Variants in PLEKHB2 observed in about 807,000 individuals in gnomAD.
The protein encoded by PLEKHB2 is pleckstrin homology domain-containing family B member 2.
In PLEKHB2, 31 loss-of-function variants were observed where a neutral mutation model predicts 36.5. The observed-to-expected ratio is 0.85, with a 90% CI of 0.64 to 1.15. The LOEUF (loss-of-function observed/expected upper bound fraction) is 1.15, where lower values mean the gene tolerates loss of function less well. Ranked by LOEUF, PLEKHB2 falls within the 50% of genes most tolerant of loss-of-function variation. The pLI is 0.00. For missense variants in PLEKHB2, 262 were observed against 295.3 expected (o/e 0.89, Z 0.83); for synonymous variants, 119 against 112.0 (o/e 1.06, Z -0.39).
At chr2:131,134,791 G>A (rs972506127) in intron 6 of PLEKHB2, among the ~76,000 whole-genome samples, 1 of 152,148 alleles carries the variant, frequency 6.6e-6, no homozygotes, top group African/African-American at 2.4e-5. Flanking sequence ...CCTTAAACCT[G>A]TGTCATATTT....
intron 6 of PLEKHB2, among the ~76,000 whole-genome samples, chr2:131,136,559 T>G (rs1291881439): frequency 6.6e-6 from 1 of 151,766 alleles, no homozygotes; most frequent in African/African-American, 2.4e-5. Flanking sequence ...TGGTGGATTA[T>G]AGTGTTTGGT....
intron 7 of PLEKHB2, among the ~76,000 whole-genome samples, chr2:131,141,937 A>G (rs1406534542): frequency 6.6e-6 from 1 of 152,248 alleles, no homozygotes; most frequent in Non-Finnish European, 1.5e-5. Flanking sequence ...TAAGATTAAT[A>G]AAGACAAGTA....
rs956609598 is a variant in PLEKHB2 at position 131,146,936 on chromosome 2, G to C, written c.*163G>C. 3.5e-5 allele frequency: 21 copies of C among 591,974 alleles called. No individual in the cohort carries two copies. The highest frequency in any genetic ancestry group is 5.3e-5 in the Non-Finnish European group (19 of 355,460). The allele number at this position is 591,974 out of a possible 1,614,324, so 36.7% of individuals were successfully genotyped here. On this transcript the variant is annotated 3_prime_UTR_variant, in exon 8 of 8. Transcript: ENST00000693505. The stretch of plus-strand genomic sequence containing the variant: ...TACTAATCCACATAAGTACCACAGA[G>C]AAGGGTTTGAACTGTGCTATTTTGT...
intron 4 of PLEKHB2, among the ~76,000 whole-genome samples, chr2:131,130,034 A>G (rs1035128791): frequency 3.3e-5 from 5 of 151,822 alleles, no homozygotes; most frequent in African/African-American, 9.7e-5. Flanking sequence ...GGATGTTAAT[A>G]GCATTCTTTT....
chr2:131,118,890 AAAAAAAAAG>A (rs1418202044), intron 1 of PLEKHB2: 1 of 149,740 alleles, frequency 6.7e-6, no homozygotes, highest in African/African-American at 2.5e-5. Flanking sequence ...AAAAAAAAAA[AAAAAAAAAG>A]CTAAAGCAGA....
In PLEKHB2 at chr2:131,132,952, ACCT is replaced by A. The variant is rs747636164; in HGVS notation, c.387_389del (p.Pro131del). On this transcript the variant is annotated inframe_deletion, in exon 6 of 8. Coordinates refer to ENST00000693505, the MANE Select transcript of PLEKHB2 (RefSeq NM_001100623.2). ...CCGATGAGACATCCGTGGTTTCCTCACCTCCACCATACACGGCCTATGCTGCAC... is the reference window on the plus strand; with the variant it reads ...CCGATGAGACATCCGTGGTTTCCTCACCACCATACACGGCCTATGCTGCAC... 5 of 1,613,756 alleles carry A rather than the reference ACCT, an allele frequency of 3.1e-6. No individual in the cohort carries two copies. In the Admixed American group the frequency reaches 5.0e-5, roughly 16 times the overall value.
rs1244743060 is a variant in PLEKHB2, at chr2:131,126,413, G to T, written c.191-271G>T. Among the ~76,000 whole-genome samples the T allele has an allele frequency of 2.0e-5, 3 of 152,126 alleles. No individual in the cohort carries two copies. In the East Asian group the frequency reaches 5.8e-4, roughly 29 times the overall value. ...TGTGGTGGCAGGTGCCTGTAATCTG[G>T]CTACTCAGGAGGCTGAGGTAGAGAA... On this transcript the variant is annotated intron_variant, in intron 3 of 7. Transcript: ENST00000693505.
At chr2:131,130,363 T>C (rs1697555747) in intron 4 of PLEKHB2, among the ~76,000 whole-genome samples, 1 of 152,168 alleles carries the variant, frequency 6.6e-6, no homozygotes. Flanking sequence ...CTTTTTAATG[T>C]TGAAAAATTG....
At chr2:131,111,125 C>T (rs1284922264) in intron 1 of PLEKHB2, among the ~76,000 whole-genome samples, 3 of 151,952 alleles carry the variant, frequency 2.0e-5, no homozygotes, top group Admixed American at 1.3e-4. Context: ...CTGCCTCAGC[C>T]TGCTCAGTAG....
Position 131,147,706 on chromosome 2 carries a change from G to A in PLEKHB2, c.*933G>A, listed in dbSNP as rs1375662491. The A allele has an allele frequency of 6.6e-6, 1 of 151,900 alleles. No individual in the cohort carries two copies. Among genetic ancestry groups the A allele is most frequent in the African/African-American group, 2.4e-5 (1 of 41,254 alleles). The allele number at this position is 151,900 out of a possible 1,614,324, so 9.4% of individuals were successfully genotyped here. ...CCAGCTACTCGGGAGGCTGAGGCAG[G>A]AGAATAGTGTGAACCCAGGAGGCGG... On this transcript the variant is annotated 3_prime_UTR_variant, in exon 8 of 8. Transcript: ENST00000693505.
chr2:131,129,624 C>G (rs1349453660), intron 4 of PLEKHB2, among the ~76,000 whole-genome samples: 6 of 152,194 alleles, frequency 3.9e-5, no homozygotes, highest in Non-Finnish European at 7.3e-5. Flanking sequence ...CCTGCCTCAG[C>G]CTCTGGAGTA....
intron 6 of PLEKHB2, among the ~76,000 whole-genome samples, chr2:131,133,248 C>T (rs16856532): frequency 0.043 from 6,485 of 152,020 alleles, 467 homozygotes; most frequent in African/African-American, 0.15. Context: ...TGATAGTTGC[C>T]TTGGGTAATG....
chr2:131,121,746 C>G (rs1696539419), intron 2 of PLEKHB2, among the ~76,000 whole-genome samples: 1 of 152,086 alleles, frequency 6.6e-6, no homozygotes, highest in Non-Finnish European at 1.5e-5. Context: ...AAAACCAAAA[C>G]TTTTGTGTCT....
intron 2 of PLEKHB2, among the ~76,000 whole-genome samples, chr2:131,123,839 T>C (rs1449225669): frequency 2.5e-5 from 3 of 121,598 alleles, no homozygotes; most frequent in African/African-American, 9.4e-5. Context: ...TGAGCCACTG[T>C]GCCTGGCTTT....
Position 131,125,865 on chromosome 2 carries a change from A to G in PLEKHB2, c.150A>G (p.Pro50=). ...ATATCGAGGATAAGGTCCACATGCCAATGGACTGCATCAACATCCGCACGG... is the reference window on the plus strand; with the variant it reads ...ATATCGAGGATAAGGTCCACATGCCGATGGACTGCATCAACATCCGCACGG... ...RQNIEDKVHM[P]MDCINIRTGQ... is the part of the protein sequence containing the mutation. The change falls in exon 3 of 8, where the codon CCA becomes CCG. Residue 50 remains proline (P), a synonymous_variant. Transcript: ENST00000693505. The G allele has an allele frequency of 6.2e-7, 1 of 1,613,684 alleles. No homozygotes were observed. Among genetic ancestry groups the G allele is most frequent in the Non-Finnish European group, 8.5e-7 (1 of 1,179,806 alleles).
chr2:131,147,026 A>G lies in PLEKHB2; in HGVS notation c.*253A>G, dbSNP rs1273820611. 1 of 327,252 alleles carries G rather than the reference A, an allele frequency of 3.1e-6. No homozygotes were observed. Among genetic ancestry groups the G allele is most frequent in the East Asian group, 5.0e-5 (1 of 19,968 alleles). The allele number at this position is 327,252 out of a possible 1,614,324, so 20.3% of individuals were successfully genotyped here. ...ACTGTTCTTGTGCAACTCTCAGAAT[A>G]CCTTATTTGAGCATACCTGTTTTGA... On this transcript the variant is annotated 3_prime_UTR_variant, in exon 8 of 8. Transcript: ENST00000693505.
intron 7 of PLEKHB2, among the ~76,000 whole-genome samples, chr2:131,141,920 A>G (rs1229948978): frequency 6.6e-6 from 1 of 152,250 alleles, no homozygotes; most frequent in Non-Finnish European, 1.5e-5. Context: ...TGAGCCATAC[A>G]TACATGTAAG....
chr2:131,135,972 T>C (rs1461175530), intron 6 of PLEKHB2, among the ~76,000 whole-genome samples: 1 of 152,178 alleles, frequency 6.6e-6, no homozygotes, highest in Non-Finnish European at 1.5e-5. Flanking sequence ...AGTATTTAAT[T>C]AGTACTGAAT....
In PLEKHB2 at chr2:131,120,918, T is replaced by C; in HGVS notation, c.-8-16T>C. The C allele has an allele frequency of 1.2e-6, 2 of 1,613,852 alleles. No individual in the cohort carries two copies. The highest frequency in any genetic ancestry group is 2.2e-5 in the East Asian group (1 of 44,874). Reference sequence around the variant, plus strand: ...TTCTGGGTATGATTTTGAACCTGCCTGTTTTTGTTCTGTAGGTGAAGAGAT... The same window carrying C: ...TTCTGGGTATGATTTTGAACCTGCCCGTTTTTGTTCTGTAGGTGAAGAGAT... On this transcript the variant is annotated splice_polypyrimidine_tract_variant and intron_variant, in intron 1 of 7. Transcript: ENST00000693505.
Sources: allele counts gnomAD v4.1 joint callset (sites outside exome capture counted in the v4.1 genomes callset), GRCh38; gene constraint gnomAD v4.1.1; transcripts MANE v1.5; gene names NCBI Gene and HGNC (gene_info 2026-07-23, HGNC 2026-07-21).